ZNF407: variants seen among roughly 807,000 people sequenced by gnomAD.
ZNF407 encodes zinc finger protein 407.
Under a neutral mutation model 131.2 loss-of-function variants are expected in ZNF407, and 17 were observed. That is an observed-to-expected ratio of 0.13 (90% confidence interval 0.09 to 0.19). The LOEUF is 0.19. Among genes scored for constraint, ZNF407 ranks in the 10% least tolerant of loss-of-function variants. The pLI is 1.00. For synonymous variants in ZNF407, 1,156 were observed against 1,062.0 expected (o/e 1.09, Z -1.72); for missense variants, 2,681 against 2,830.6 (o/e 0.95, Z 1.20).
chr18:74,863,501 A>G (rs1001763726), intron 4 of ZNF407, among the ~76,000 whole-genome samples: 16 of 151,936 alleles, frequency 1.1e-4, no homozygotes, highest in African/African-American at 3.9e-4. Flanking sequence ...GAATAGCATC[A>G]TGTGAATTCC....
chr18:74,639,204 C>T (rs1984598116), intron 2 of ZNF407, among the ~76,000 whole-genome samples: 1 of 152,140 alleles, frequency 6.6e-6, no homozygotes, highest in Admixed American at 6.5e-5. Context: ...GCATCTGTGC[C>T]ACAGGAGGAG....
At chr18:74,725,409 A>C (rs1968133585) in intron 3 of ZNF407, among the ~76,000 whole-genome samples, 1 of 151,016 alleles carries the variant, frequency 6.6e-6, no homozygotes, top group African/African-American at 2.5e-5. Flanking sequence ...TAGATTCACA[A>C]AATTAAAAAA....
At position 74,631,528 on chromosome 18, in the gene ZNF407, C is replaced by G. The variant is rs758832550; in HGVS notation, c.509C>G (p.Pro170Arg). Reference sequence around the variant, plus strand: ...CTGGAAAGAGAATCTCCTTTCCCCCCGAAAGAAATTAGTGTTAGTTGTACC... The same window carrying G: ...CTGGAAAGAGAATCTCCTTTCCCCCGGAAAGAAATTAGTGTTAGTTGTACC... ...LDLERESPFP[P>R]KEISVSCTIG... Residue 170 changes from proline (P) to arginine (R), a missense_variant, in exon 2 of 9, where the codon CCG (proline) becomes CGG (arginine). This residue lies in a region of ZNF407 where 1,789 missense variants were observed against 1,748.7 expected (regional missense o/e 1.02). Transcript: ENST00000299687. The G allele has an allele frequency of 6.2e-7, 1 of 1,613,790 alleles. No homozygotes were observed. The highest frequency in any genetic ancestry group is 8.5e-7 in the Non-Finnish European group (1 of 1,179,892).
chr18:74,643,670 A>G (rs1278355096), intron 3 of ZNF407, among the ~76,000 whole-genome samples: 1 of 152,028 alleles, frequency 6.6e-6, no homozygotes, highest in Non-Finnish European at 1.5e-5. Context: ...TGATGGAAAC[A>G]ACAAACAGTA....
At chr18:74,649,391 T>C (rs1055465270) in intron 3 of ZNF407, among the ~76,000 whole-genome samples, 9 of 152,174 alleles carry the variant, frequency 5.9e-5, no homozygotes, top group Non-Finnish European at 1.2e-4. Flanking sequence ...GTGAAAGTGG[T>C]CTTATGTCAA....
intron 4 of ZNF407, among the ~76,000 whole-genome samples, chr18:74,846,157 A>C (rs1024435968): frequency 5.3e-5 from 8 of 152,222 alleles, no homozygotes; most frequent in African/African-American, 1.9e-4. Flanking sequence ...GGTCTATTAC[A>C]ATCTTATAAA....
intron 1 of ZNF407, among the ~76,000 whole-genome samples, chr18:74,599,862 G>A (rs147600213): frequency 2.6e-5 from 4 of 152,306 alleles, no homozygotes; most frequent in Non-Finnish European, 5.9e-5. Flanking sequence ...AATAAATTAA[G>A]CTGTATGTTT....
Position 75,063,626 on chromosome 18 carries a change from A to C in ZNF407, c.5905A>C (p.Lys1969Gln). Residue 1969 changes from lysine to glutamine, a missense_variant, in exon 9 of 9, where the codon AAG becomes CAG. Physicochemically the swap from Lys to Gln is moderately conservative, Grantham distance 53. This residue lies in a region of ZNF407 where 620 missense variants were observed against 583.1 expected (regional missense o/e 1.06). Transcript: ENST00000299687. This position sits in a 1 kb window ranked among gnomAD's most constrained non-coding sequence, Gnocchi z 6.6. ...TGGCGCTGTGATACAACAGGTGACC[A>C]AGCAGGAGATTTTAAACCTCTCGGA... ...PGGAVIQQVTKQEILNLSEAG... is the reference protein window; with the variant it reads ...PGGAVIQQVTQQEILNLSEAG... 2 of 1,588,554 alleles carry C rather than the reference A, an allele frequency of 1.3e-6. No individual in the cohort carries two copies. The highest frequency in any genetic ancestry group is 1.7e-6 in the Non-Finnish European group (2 of 1,168,982).
intron 8 of ZNF407, among the ~76,000 whole-genome samples, chr18:75,024,519 G>A (rs764790890): frequency 1.3e-5 from 2 of 152,168 alleles, no homozygotes; most frequent in Non-Finnish European, 2.9e-5. Flanking sequence ...TTTCAAATGT[G>A]CTATCCTATT....
At position 75,063,717 on chromosome 18, in the gene ZNF407, T is replaced by C. The variant is rs1280118212; in HGVS notation, c.5996T>C (p.Leu1999Ser). 6.2e-7 allele frequency: 1 copy of C among 1,611,488 alleles called. No homozygotes were observed. The highest frequency in any genetic ancestry group is 1.3e-5 in the African/African-American group (1 of 74,614). The change falls in exon 9 of 9, where the codon TTA becomes TCA. Residue 1999 changes from leucine to serine, a missense_variant. This residue lies in a region of ZNF407 where 620 missense variants were observed against 583.1 expected (regional missense o/e 1.06). Transcript: ENST00000299687. This position sits in a 1 kb window ranked among gnomAD's most constrained non-coding sequence, Gnocchi z 6.6. ...GCATTGCTCTGTGCGGTCACTGAAT[T>C]AGGGGAGGTGGAGGGCAGGGCTGGG... ...LDALLCAVTE[L>S]GEVEGRAGLE...
intron 3 of ZNF407, among the ~76,000 whole-genome samples, chr18:74,750,466 A>G (rs1443645603): frequency 6.6e-6 from 1 of 152,190 alleles, no homozygotes; most frequent in Non-Finnish European, 1.5e-5. Context: ...ATGTGATTAT[A>G]CAATATGTGG....
intron 3 of ZNF407, among the ~76,000 whole-genome samples, chr18:74,660,797 A>G (rs920161195): frequency 3.3e-5 from 5 of 152,178 alleles, no homozygotes; most frequent in African/African-American, 1.2e-4. Context: ...TGAAAGGGCA[A>G]TGAATCTTTC....
intron 3 of ZNF407, among the ~76,000 whole-genome samples, chr18:74,641,362 A>G (rs1984707520): frequency 3.9e-5 from 6 of 152,200 alleles, no homozygotes; most frequent in Admixed American, 3.9e-4. Context: ...TGTAATCTGT[A>G]AATTGACTAA....
At chr18:74,660,160 T>C (rs144971982) in intron 3 of ZNF407, among the ~76,000 whole-genome samples, 2 of 152,222 alleles carry the variant, frequency 1.3e-5, no homozygotes, top group East Asian at 3.9e-4. Context: ...AAATTGCATC[T>C]GATGATTTGC....
intron 3 of ZNF407, among the ~76,000 whole-genome samples, chr18:74,767,228 T>C (rs894780155): frequency 6.6e-6 from 1 of 152,154 alleles, no homozygotes; most frequent in African/African-American, 2.4e-5. Context: ...TCGTTATTAT[T>C]AAAAAGATTC....
intron 3 of ZNF407, among the ~76,000 whole-genome samples, chr18:74,672,510 C>CTGTTCGTTGGAGCACCGTT (rs1986188612): frequency 7.3e-6 from 1 of 136,470 alleles, no homozygotes; most frequent in Admixed American, 7.6e-5. Context: ...CACTGTGTCT[C>CTGTTCGTTGGAGCACCGTT]TGTTCGTTGG....
intron 3 of ZNF407, among the ~76,000 whole-genome samples, chr18:74,685,440 A>T (rs1319739988): frequency 6.6e-6 from 1 of 151,970 alleles, no homozygotes; most frequent in Non-Finnish European, 1.5e-5. Context: ...TCAATGGCTG[A>T]CCCTCTGTCC....
chr18:74,632,984 T>C lies in ZNF407; in HGVS notation c.1965T>C (p.Asp655=). ...QPKTLQSSNS[D]LVLQTLPLST... ...AGACTTTGCAATCATCTAACAGTGA[T>C]TTGGTTTTACAGACTTTACCTTTGA... The change falls in exon 2 of 9, where the codon GAT becomes GAC. Residue 655 remains aspartate, a synonymous_variant. Coordinates refer to ENST00000299687, the MANE Select transcript of ZNF407 (RefSeq NM_017757.3). The C allele has an allele frequency of 6.2e-7, 1 of 1,613,348 alleles. No homozygotes were observed.
In ZNF407 at chr18:74,676,716, G is replaced by C. The variant is rs532313476; in HGVS notation, c.4802+35594G>C. Among the ~76,000 whole-genome samples, 10 of 152,244 alleles carry C rather than the reference G, an allele frequency of 6.6e-5. No homozygotes were observed. The South Asian group carries it at 1.4e-3, about 22-fold the overall frequency. ...CCCAGAATGCTGGGATTACAGACGT[G>C]AGCCACTGTGCCCGGCCAGTATTTT... is the stretch of plus-strand genomic sequence containing the variant. On this transcript the variant is annotated intron_variant, in intron 3 of 8. Coordinates refer to ENST00000299687, the MANE Select transcript of ZNF407 (RefSeq NM_017757.3).
Sources: allele counts gnomAD v4.1 joint callset (sites outside exome capture counted in the v4.1 genomes callset), GRCh38; gene constraint gnomAD v4.1.1; regional missense constraint gnomAD v4.1.1; non-coding constraint Gnocchi (gnomAD v3.1); transcripts MANE v1.5; gene names NCBI Gene and HGNC (gene_info 2026-07-23, HGNC 2026-07-21).